PDZRN4: variants seen among roughly 807,000 people sequenced by gnomAD.
PDZRN4 encodes the protein PDZ domain containing ring finger 4.
PDZRN4 carries 70 observed loss-of-function variants against 99.0 expected under a neutral mutation model. The ratio of observed to expected loss-of-function variants is 0.71; its 90% CI spans 0.58 to 0.86. The LOEUF is 0.86. Ranked by LOEUF, PDZRN4 falls within the 40% of genes least tolerant of loss-of-function variation. The pLI, the probability that PDZRN4 is intolerant of heterozygous loss-of-function variation, is 0.00. For missense variants in PDZRN4, 1,474 were observed against 1,331.2 expected, an observed-to-expected ratio of 1.11 and a Z score of -1.67; for synonymous variants, 551 against 501.6, an observed-to-expected ratio of 1.10 and a Z score of -1.32.
intron 3 of PDZRN4, among the ~76,000 whole-genome samples, chr12:41,195,568 A>G (rs530407181): frequency 1.9e-4 from 29 of 152,318 alleles, no homozygotes; most frequent in Non-Finnish European, 4.1e-4. Context: ...TTAGCCGACT[A>G]CAAAATTTAG....
At chr12:41,316,055 A>T (rs1357455291) in intron 3 of PDZRN4, among the ~76,000 whole-genome samples, 1 of 152,166 alleles carries the variant, frequency 6.6e-6, no homozygotes, top group African/African-American at 2.4e-5. Context: ...AATAAGTCTT[A>T]AAATAATGTA....
intron 3 of PDZRN4, among the ~76,000 whole-genome samples, chr12:41,287,094 A>G (rs1169579694): frequency 1.3e-5 from 2 of 152,162 alleles, no homozygotes; most frequent in African/African-American, 4.8e-5. Context: ...GCAGAAATAG[A>G]TCATTGTCTC....
intron 3 of PDZRN4, among the ~76,000 whole-genome samples, chr12:41,465,129 T>C (rs1952912344): frequency 6.6e-6 from 1 of 152,134 alleles, no homozygotes; most frequent in Middle Eastern, 3.2e-3. Flanking sequence ...CTGTCCGCCT[T>C]TTGTACTTTT....
chr12:41,260,045 G>A (rs925663008), intron 3 of PDZRN4, among the ~76,000 whole-genome samples: 1 of 151,956 alleles, frequency 6.6e-6, no homozygotes, highest in African/African-American at 2.4e-5. Context: ...AGCAATCTTT[G>A]GAATTGTTTT....
chr12:41,233,603 C>A (rs1951045009), intron 3 of PDZRN4, among the ~76,000 whole-genome samples: 1 of 152,072 alleles, frequency 6.6e-6, no homozygotes, highest in Admixed American at 6.6e-5. Context: ...GAGTACTATG[C>A]AGCCATAAAA....
At chr12:41,511,536 A>G (rs1366215378) in intron 5 of PDZRN4, among the ~76,000 whole-genome samples, 1 of 152,122 alleles carries the variant, frequency 6.6e-6, no homozygotes, top group East Asian at 1.9e-4. Flanking sequence ...GAAATAAAGA[A>G]TGTTCCTGTG....
intron 5 of PDZRN4, among the ~76,000 whole-genome samples, chr12:41,536,256 G>T (rs932961560): frequency 6.6e-6 from 1 of 152,134 alleles, no homozygotes; most frequent in Non-Finnish European, 1.5e-5. Flanking sequence ...ATTCAGTGCT[G>T]AAAGAAATAA....
chr12:41,432,572 G>A (rs1565581320), intron 3 of PDZRN4, among the ~76,000 whole-genome samples: 1 of 152,146 alleles, frequency 6.6e-6, no homozygotes, highest in East Asian at 1.9e-4. Flanking sequence ...AGTTTTGGGG[G>A]CTCAAAGATC....
intron 5 of PDZRN4, among the ~76,000 whole-genome samples, chr12:41,531,816 C>G (rs778707996): frequency 3.3e-5 from 5 of 152,016 alleles, no homozygotes; most frequent in Non-Finnish European, 5.9e-5. Context: ...CTTTTTAGCT[C>G]TTTATATATT....
intron 3 of PDZRN4, among the ~76,000 whole-genome samples, chr12:41,439,510 T>C (rs1306096232): frequency 6.6e-6 from 1 of 152,162 alleles, no homozygotes; most frequent in Non-Finnish European, 1.5e-5. Context: ...GCATCCTCCC[T>C]GATTATGCCT....
intron 4 of PDZRN4, among the ~76,000 whole-genome samples, chr12:41,508,508 G>C (rs932991036): frequency 2.0e-5 from 3 of 152,068 alleles, no homozygotes; most frequent in Admixed American, 2.0e-4. Context: ...CTAAATAAAC[G>C]TCGAATGAAT....
At chr12:41,387,479 A>G (rs7301366) in intron 3 of PDZRN4, among the ~76,000 whole-genome samples, 79,975 of 151,990 alleles carry the variant, frequency 0.53, 21,814 homozygotes, top group African/African-American at 0.7. Context: ...CAGCTACTTG[A>G]GAGGCTGAGG....
rs921360616 is a variant in PDZRN4, at chr12:41,572,624, C to T, written c.1845C>T (p.Asp615=). The change falls in exon 10 of 10, where the codon GAC becomes GAT. Residue 615 remains aspartate, a synonymous_variant. Coordinates refer to ENST00000402685, the MANE Select transcript of PDZRN4 (RefSeq NM_001164595.2). ...TATCTGGTGAATACATTGACTCAGA[C>T]TGCATTGGCAACCCAGATGAGGACT... The part of the protein sequence containing the change: ...SLVSGEYIDS[D]CIGNPDEDCE... 3.7e-6 allele frequency: 6 copies of T among 1,614,068 alleles called. No homozygotes were observed. The African/African-American group carries it at 8.0e-5, about 22-fold the overall frequency.
chr12:41,463,045 TA>T, intron 3 of PDZRN4, among the ~76,000 whole-genome samples: 1 of 152,322 alleles, frequency 6.6e-6, no homozygotes, highest in East Asian at 1.9e-4. Context: ...TCTTAAAGAA[TA>T]TCAAACTATA....
intron 7 of PDZRN4, among the ~76,000 whole-genome samples, chr12:41,561,470 T>G (rs7309011): frequency 0.33 from 49,587 of 151,052 alleles, 8,807 homozygotes; most frequent in Admixed American, 0.39. Context: ...TTATATGCAT[T>G]TTAAGATAGC....
intron 3 of PDZRN4, among the ~76,000 whole-genome samples, chr12:41,330,038 A>T (rs1951732834): frequency 6.6e-6 from 1 of 152,170 alleles, no homozygotes; most frequent in Admixed American, 6.6e-5. Context: ...TGTTTCCTCA[A>T]GAGAAAAGCT....
At chr12:41,233,395 C>G (rs1400069203) in intron 3 of PDZRN4, among the ~76,000 whole-genome samples, 2 of 152,010 alleles carry the variant, frequency 1.3e-5, no homozygotes, top group Admixed American at 1.3e-4. Flanking sequence ...CCTCAGGGAT[C>G]GAGAACCAGA....
At chr12:41,505,988 G>T (rs1380565675) in intron 3 of PDZRN4, among the ~76,000 whole-genome samples, 1 of 152,012 alleles carries the variant, frequency 6.6e-6, no homozygotes, top group East Asian at 1.9e-4. Flanking sequence ...CAATAACATG[G>T]TCTTGGATTA....
chr12:41,521,969 A>G lies in PDZRN4; in HGVS notation c.1203+12056A>G, dbSNP rs1010149794. On this transcript the variant is annotated intron_variant, in intron 5 of 9. Coordinates refer to ENST00000402685, the MANE Select transcript of PDZRN4 (RefSeq NM_001164595.2). ...CCGTTGGAAGGGTAGTGTTTTTCCA[A>G]GGGAATGTTTATGAGTAACTAGAGG... Among the ~76,000 whole-genome samples, 2 of 152,094 alleles carry G rather than the reference A, an allele frequency of 1.3e-5. 1 individual carries two copies. Among genetic ancestry groups the G allele is most frequent in the Middle Eastern group, 6.3e-3 (2 of 316 alleles).
Sources: gnomAD v4.1 joint callset for allele counts (sites outside exome capture counted in the v4.1 genomes callset) on GRCh38, gnomAD v4.1.1 for gene constraint, MANE v1.5 for transcripts, NCBI Gene and HGNC (gene_info 2026-07-23, HGNC 2026-07-21) for gene names.